The following ARFGEF3 variants were observed in gnomAD, a reference collection of about 807,000 sequenced individuals.
ARFGEF3 encodes brefeldin A-inhibited guanine nucleotide-exchange protein 3.
A neutral mutation model predicts 221.7 loss-of-function variants in ARFGEF3; 96 were observed. The ratio of observed to expected loss-of-function variants is 0.43; its 90% confidence interval spans 0.37 to 0.51. The LOEUF is 0.51. Among genes scored for constraint, ARFGEF3 ranks in the 20% least tolerant of loss-of-function variants. The pLI, the probability that ARFGEF3 is intolerant of heterozygous loss-of-function variation, is 0.00. For synonymous variants in ARFGEF3, 1,145 were observed against 1,126.8 expected, an observed-to-expected ratio of 1.02 and a Z score of -0.32; for missense variants, 2,410 against 2,789.9, an observed-to-expected ratio of 0.86 and a Z score of 3.07.
intron 5 of ARFGEF3, among the ~76,000 whole-genome samples, chr6:138,232,199 G>A (rs1158866533): frequency 6.6e-6 from 1 of 152,154 alleles, no homozygotes; most frequent in East Asian, 1.9e-4. Context: ...AAATTGCCAA[G>A]GTCTTGGAGT....
intron 32 of ARFGEF3, among the ~76,000 whole-genome samples, chr6:138,333,337 C>T (rs902845640): frequency 3.3e-5 from 5 of 152,158 alleles, no homozygotes; most frequent in Admixed American, 3.3e-4. Flanking sequence ...GACTTCCCAG[C>T]CCCCTTCAAC....
Position 138,337,293 on chromosome 6 carries a change from T to C in ARFGEF3, c.*807T>C, listed in dbSNP as rs1329839709. 2 of 152,638 alleles carry C rather than the reference T, an allele frequency of 1.3e-5. No individual in the cohort carries two copies. The highest frequency in any genetic ancestry group is 2.9e-5 in the Non-Finnish European group (2 of 68,040). The allele number at this position is 152,638 out of a possible 1,614,324, so 9.5% of individuals were successfully genotyped here. On this transcript the variant is annotated 3_prime_UTR_variant, in exon 34 of 34. Transcript: ENST00000251691. ...GCCACCCTGGCTGTTCTTGTGGTGT[T>C]TGTTTCCATCCCCAAGGCAAACAAG...
intron 22 of ARFGEF3, among the ~76,000 whole-genome samples, chr6:138,304,758 G>A (rs1197602155): frequency 6.6e-6 from 1 of 152,178 alleles, no homozygotes; most frequent in Admixed American, 6.5e-5. Flanking sequence ...TTGATCACCG[G>A]TGATTACAGT....
chr6:138,286,600 G>A, intron 15 of ARFGEF3, 101 bp from the exon 16 acceptor site: 1 of 847,322 alleles, frequency 1.2e-6, no homozygotes. Flanking sequence ...AGAATTGCAT[G>A]CAACTGAGTA....
intron 8 of ARFGEF3, among the ~76,000 whole-genome samples, chr6:138,253,368 G>A (rs1778613868): frequency 6.6e-6 from 1 of 151,928 alleles, no homozygotes; most frequent in South Asian, 2.1e-4. Context: ...CTGTAACAAA[G>A]TGCCATAAAC....
chr6:138,259,723 C>A (rs529830665), intron 10 of ARFGEF3, among the ~76,000 whole-genome samples: 1 of 152,210 alleles, frequency 6.6e-6, no homozygotes, highest in South Asian at 2.1e-4. Context: ...ATCAGGCTGG[C>A]CAACATGGTG....
chr6:138,183,282 CT>C, intron 2 of ARFGEF3, among the ~76,000 whole-genome samples: 1 of 152,102 alleles, frequency 6.6e-6, no homozygotes, highest in Admixed American at 6.5e-5. Flanking sequence ...GCAACACGAC[CT>C]TTGCTGAAAA....
chr6:138,243,373 G>C (rs2114556049), intron 7 of ARFGEF3, among the ~76,000 whole-genome samples: 1 of 152,250 alleles, frequency 6.6e-6, no homozygotes, highest in Non-Finnish European at 1.5e-5. Context: ...TATTGCACCA[G>C]AATTGTGTTT....
At chr6:138,290,281 A>G (rs1398182588) in intron 18 of ARFGEF3, among the ~76,000 whole-genome samples, 1 of 152,238 alleles carries the variant, frequency 6.6e-6, no homozygotes, top group Admixed American at 6.5e-5. Flanking sequence ...GACTAAGTGA[A>G]TACTGTGCAA....
chr6:138,241,483 A>G (rs1194838299), intron 6 of ARFGEF3, among the ~76,000 whole-genome samples: 1 of 152,196 alleles, frequency 6.6e-6, no homozygotes, highest in Non-Finnish European at 1.5e-5. Flanking sequence ...CCTTTAAGGA[A>G]ATGTAGAAAC....
chr6:138,312,814 A>G (rs1172032940), intron 25 of ARFGEF3, among the ~76,000 whole-genome samples: 3 of 152,102 alleles, frequency 2.0e-5, no homozygotes, highest in Non-Finnish European at 2.9e-5. Context: ...GGTTCAAGCG[A>G]TTCTCCTGCT....
chr6:138,283,915 G>A (rs982881970), intron 14 of ARFGEF3, among the ~76,000 whole-genome samples: 1 of 152,132 alleles, frequency 6.6e-6, no homozygotes, highest in African/African-American at 2.4e-5. Context: ...GGAGTCTCCA[G>A]GCTTTTTGTA....
chr6:138,195,497 C>A (rs533176784), intron 2 of ARFGEF3, among the ~76,000 whole-genome samples: 3 of 152,110 alleles, frequency 2.0e-5, no homozygotes, highest in Non-Finnish European at 4.4e-5. Context: ...AGAGGACAAC[C>A]ATGTACGGTA....
intron 2 of ARFGEF3, among the ~76,000 whole-genome samples, chr6:138,172,230 G>C (rs1776849763): frequency 6.6e-6 from 1 of 152,212 alleles, no homozygotes; most frequent in African/African-American, 2.4e-5. Flanking sequence ...GCACATAGGA[G>C]GATGTGAGGA....
At chr6:138,293,861 T>C in intron 19 of ARFGEF3, 132 bp from the exon 20 acceptor site, 2 of 805,594 alleles carry the variant, frequency 2.5e-6, no homozygotes, top group Non-Finnish European at 2.0e-6. Flanking sequence ...GATAGAATAA[T>C]ACCATACATT....
At chr6:138,193,395 T>C (rs1485403325) in intron 2 of ARFGEF3, among the ~76,000 whole-genome samples, 2 of 152,226 alleles carry the variant, frequency 1.3e-5, no homozygotes, top group Non-Finnish European at 2.9e-5. Context: ...CATTACCTTG[T>C]ACCTATGTTT....
chr6:138,305,262 A>G (rs901451491), intron 22 of ARFGEF3, among the ~76,000 whole-genome samples: 8 of 151,974 alleles, frequency 5.3e-5, no homozygotes, highest in African/African-American at 1.9e-4. Context: ...AAGGAAAACT[A>G]TAGACCAATA....
intron 4 of ARFGEF3, among the ~76,000 whole-genome samples, chr6:138,226,938 C>A (rs1778095541): frequency 6.6e-6 from 1 of 152,222 alleles, no homozygotes; most frequent in Non-Finnish European, 1.5e-5. Flanking sequence ...TAATTAAAAT[C>A]TGCTGTGCTT....
intron 5 of ARFGEF3, among the ~76,000 whole-genome samples, chr6:138,231,516 A>T (rs1228982989): frequency 6.6e-6 from 1 of 152,240 alleles, no homozygotes; most frequent in African/African-American, 2.4e-5. Context: ...CTGAGCTCAT[A>T]GTGTGGTTGT....
Sources: allele counts gnomAD v4.1 joint callset (sites outside exome capture counted in the v4.1 genomes callset), GRCh38; gene constraint gnomAD v4.1.1; transcripts MANE v1.5; gene names NCBI Gene and HGNC (gene_info 2026-07-23, HGNC 2026-07-21).